SPOCK1: variants seen among roughly 807,000 people sequenced by gnomAD.
SPOCK1 encodes SPARC (osteonectin), cwcv and kazal like domains proteoglycan 1.
A neutral mutation model predicts 55.3 loss-of-function variants in SPOCK1; 23 were observed. The ratio of observed to expected loss-of-function variants is 0.42; its 90% confidence interval spans 0.30 to 0.59. SPOCK1 has a LOEUF of 0.59. Ranked by LOEUF, SPOCK1 falls within the 20% of genes least tolerant of loss-of-function variation. The pLI is 0.22. For synonymous variants in SPOCK1, 226 were observed against 221.0 expected (o/e 1.02, Z -0.20); for missense variants, 499 against 552.5 (o/e 0.90, Z 0.97).
intron 6 of SPOCK1, among the ~76,000 whole-genome samples, chr5:137,008,355 C>A (rs1475434517): frequency 1.4e-5 from 2 of 147,682 alleles, no homozygotes; most frequent in African/African-American, 2.5e-5. Flanking sequence ...AGAAAAGATA[C>A]CCAAGTAACT....
At chr5:137,043,889 T>G (rs1220723215) in intron 6 of SPOCK1, among the ~76,000 whole-genome samples, 1 of 152,186 alleles carries the variant, frequency 6.6e-6, no homozygotes, top group East Asian at 1.9e-4. Flanking sequence ...AATTAAAACA[T>G]GGACTTTAGC....
At chr5:137,153,384 T>C (rs969548534) in intron 3 of SPOCK1, among the ~76,000 whole-genome samples, 2 of 152,226 alleles carry the variant, frequency 1.3e-5, no homozygotes, top group African/African-American at 4.8e-5. Flanking sequence ...ATAAAAACAC[T>C]CATTTTTAAT....
chr5:137,389,072 C>T (rs1751657507), intron 2 of SPOCK1, among the ~76,000 whole-genome samples: 1 of 152,228 alleles, frequency 6.6e-6, no homozygotes, highest in African/African-American at 2.4e-5. Flanking sequence ...CACACTGCCA[C>T]ACACTTCCTG....
chr5:137,220,195 C>A lies in SPOCK1; in HGVS notation c.232+46815G>T, dbSNP rs946906338. Among the ~76,000 whole-genome samples the A allele has an allele frequency of 2.0e-5, 3 of 152,142 alleles. No homozygotes were observed. In the South Asian group the frequency reaches 6.2e-4, roughly 31 times the overall value. The stretch of plus-strand genomic sequence containing the variant: ...AGCAGTGCAGAACAAAATCAAATGA[C>A]CTCAAAATCATGTCCTCCACATCCC... On this transcript the variant is annotated intron_variant, in intron 3 of 10. Coordinates refer to ENST00000394945, the MANE Select transcript of SPOCK1 (RefSeq NM_004598.4).
intron 2 of SPOCK1, among the ~76,000 whole-genome samples, chr5:137,449,153 G>C (rs1753196352): frequency 6.6e-6 from 1 of 152,236 alleles, no homozygotes; most frequent in Non-Finnish European, 1.5e-5. Context: ...TTTCCAGCCT[G>C]CTGGCTGGTC....
chr5:137,498,699 G>A (rs1332326880), intron 1 of SPOCK1, 141 bp from the exon 2 acceptor site: 25 of 559,032 alleles, frequency 4.5e-5, no homozygotes, highest in Non-Finnish European at 6.1e-5. Flanking sequence ...TGGGGCGCCT[G>A]TCGCGCCTCT....
At chr5:137,028,818 T>C (rs1388033751) in intron 6 of SPOCK1, among the ~76,000 whole-genome samples, 2 of 151,382 alleles carry the variant, frequency 1.3e-5, no homozygotes, top group Non-Finnish European at 2.9e-5. Context: ...ATGTGTCAAA[T>C]AGGAAAAAAG....
chr5:136,998,087 C>T (rs922274705), intron 6 of SPOCK1, among the ~76,000 whole-genome samples: 3 of 152,074 alleles, frequency 2.0e-5, no homozygotes, highest in Non-Finnish European at 4.4e-5. Flanking sequence ...TAGCTCACAG[C>T]TACTGGCATA....
chr5:137,413,973 T>C (rs1376819158), intron 2 of SPOCK1, among the ~76,000 whole-genome samples: 1 of 152,152 alleles, frequency 6.6e-6, no homozygotes, highest in Non-Finnish European at 1.5e-5. Flanking sequence ...CTGAAACAAA[T>C]ATATGTGCAC....
intron 2 of SPOCK1, among the ~76,000 whole-genome samples, chr5:137,469,523 G>A (rs1315822919): frequency 6.6e-6 from 1 of 152,074 alleles, no homozygotes; most frequent in Non-Finnish European, 1.5e-5. Flanking sequence ...CCCATGGTAA[G>A]TTTGGGAAAC....
intron 2 of SPOCK1, among the ~76,000 whole-genome samples, chr5:137,328,262 T>A (rs1177874028): frequency 2.0e-5 from 3 of 152,220 alleles, no homozygotes; most frequent in Non-Finnish European, 4.4e-5. Flanking sequence ...TCCCGGGCCA[T>A]ATGCCCATCC....
chr5:137,186,880 G>A (rs56372215), intron 3 of SPOCK1, among the ~76,000 whole-genome samples: 8,420 of 152,120 alleles, frequency 0.055, 792 homozygotes, highest in African/African-American at 0.19. Flanking sequence ...TGACCTCCAG[G>A]CCATTAACTC....
chr5:137,022,118 G>A (rs1011072204), intron 6 of SPOCK1, among the ~76,000 whole-genome samples: 1 of 152,034 alleles, frequency 6.6e-6, no homozygotes, highest in Non-Finnish European at 1.5e-5. Context: ...ATGATGACTT[G>A]CCAGCCTAGG....
chr5:136,987,000 G>A (rs1341693414), intron 8 of SPOCK1, among the ~76,000 whole-genome samples: 1 of 151,898 alleles, frequency 6.6e-6, no homozygotes, highest in Non-Finnish European at 1.5e-5. Flanking sequence ...GTTCTACCAG[G>A]TAGTAAAACA....
chr5:137,176,317 T>G (rs938707217), intron 3 of SPOCK1, among the ~76,000 whole-genome samples: 33 of 152,196 alleles, frequency 2.2e-4, no homozygotes, highest in Non-Finnish European at 4.6e-4. Context: ...GTAGGCATTC[T>G]CTTGGCAGTG....
At chr5:136,991,425 G>A (rs920716504) in intron 7 of SPOCK1, among the ~76,000 whole-genome samples, 1 of 152,110 alleles carries the variant, frequency 6.6e-6, no homozygotes, top group African/African-American at 2.4e-5. Flanking sequence ...GCTATGAGCA[G>A]CCAAAAATAA....
chr5:137,401,452 T>C (rs552515222), intron 2 of SPOCK1, among the ~76,000 whole-genome samples: 1 of 150,740 alleles, frequency 6.6e-6, no homozygotes, highest in South Asian at 2.1e-4. Flanking sequence ...GTGGGTGTGG[T>C]GTCTCATGCC....
chr5:137,390,405 A>G (rs1751693311), intron 2 of SPOCK1, among the ~76,000 whole-genome samples: 1 of 152,212 alleles, frequency 6.6e-6, no homozygotes, highest in African/African-American at 2.4e-5. Flanking sequence ...GATTAGCTTA[A>G]TTTGACCACA....
At position 137,099,202 on chromosome 5, in the gene SPOCK1, G is replaced by C. The variant is rs114370052; in HGVS notation, c.474+13233C>G. Among the ~76,000 whole-genome samples the C allele has an allele frequency of 1.4e-3, 213 of 152,304 alleles. 1 individual carries two copies. The highest frequency in any genetic ancestry group is 2.5e-3 in the Non-Finnish European group (173 of 68,018). On this transcript the variant is annotated intron_variant, in intron 5 of 10. Coordinates refer to ENST00000394945, the MANE Select transcript of SPOCK1 (RefSeq NM_004598.4). Reference sequence around the variant, plus strand: ...AGCAAAGCAGGATCTTTCTCAGTGAGGGAGGGTACCAGCATCAAAAATGAG... The same window carrying C: ...AGCAAAGCAGGATCTTTCTCAGTGACGGAGGGTACCAGCATCAAAAATGAG...
Sources: gnomAD v4.1 joint callset for allele counts (sites outside exome capture counted in the v4.1 genomes callset) on GRCh38, gnomAD v4.1.1 for gene constraint, MANE v1.5 for transcripts, NCBI Gene and HGNC (gene_info 2026-07-23, HGNC 2026-07-21) for gene names.